Variants in MIER2 observed in about 807,000 individuals in gnomAD.
MIER2 encodes the protein mesoderm induction early response protein 2.
Under a neutral mutation model 67.6 loss-of-function variants are expected in MIER2, and 30 were observed. That is an observed-to-expected ratio of 0.44 (90% CI 0.33 to 0.60). The LOEUF is 0.60. Among genes scored for constraint, MIER2 ranks in the 20% least tolerant of loss-of-function variants. The pLI, the probability that MIER2 is intolerant of heterozygous loss-of-function variation, is 0.02. For missense variants in MIER2, 702 were observed against 745.1 expected (o/e 0.94, Z 0.67); for synonymous variants, 372 against 312.6 (o/e 1.19, Z -2.00).
rs928255186 is a variant in MIER2 at position 334,308 on chromosome 19, T to C, written c.243+92A>G. On this transcript the variant is annotated intron_variant, in intron 3 of 13. Coordinates refer to ENST00000264819, the MANE Select transcript of MIER2 (RefSeq NM_017550.3). ...GCAAAAAGATGTACAATTTAGCACT[T>C]ACCAATGTGGAATCTGAGCTGCACA... 6 of 1,552,616 alleles carry C rather than the reference T, an allele frequency of 3.9e-6. No homozygotes were observed. The African/African-American group carries it at 6.8e-5, about 18-fold the overall frequency.
chr19:312,050 G>A (rs941030394), intron 9 of MIER2, 111 bp from the exon 10 acceptor site: 42 of 1,236,354 alleles, frequency 3.4e-5, no homozygotes, highest in East Asian at 2.8e-4. Context: ...GGGCCGCAGC[G>A]GAAGGAAGGC....
At position 311,932 on chromosome 19, in the gene MIER2, G is replaced by C; in HGVS notation, c.897C>G (p.Leu299=). Residue 299 remains leucine, a synonymous_variant, in exon 10 of 14, where the codon CTC becomes CTG. Coordinates refer to ENST00000264819, the MANE Select transcript of MIER2 (RefSeq NM_017550.3). Reference sequence around the variant, plus strand: ...TGCACTCCTCTTCACTCCAAGCACAGAGCCCATCTGCAAACACGGCCGGGG... The same window carrying C: ...TGCACTCCTCTTCACTCCAAGCACACAGCCCATCTGCAAACACGGCCGGGG... The part of the protein sequence containing the change: ...RFNVKVIRDG[L]CAWSEEECRN... The C allele has an allele frequency of 6.2e-7, 1 of 1,613,960 alleles. No individual in the cohort carries two copies. The highest frequency in any genetic ancestry group is 2.2e-5 in the East Asian group (1 of 44,866).
intron 1 of MIER2, among the ~76,000 whole-genome samples, chr19:338,569 A>G (rs1473922158): frequency 6.9e-6 from 1 of 144,064 alleles, no homozygotes; most frequent in Admixed American, 6.8e-5. Context: ...GTAGAAACCC[A>G]CGAGCCGATT....
intron 12 of MIER2, 22 bp from the exon 13 acceptor site, chr19:307,558 AG>A: frequency 1.3e-6 from 2 of 1,490,308 alleles, no homozygotes; most frequent in Non-Finnish European, 8.9e-7. Flanking sequence ...AACGCAACAG[AG>A]GGTGGGGCCT....
rs757476340 is a variant in MIER2, at chr19:312,287, T to C, written c.808-15A>G. Reference sequence around the variant, plus strand: ...TCGTACAGCGCCTGGGGAGAGGACATGTTGGCTCTTCCATGGGCTCAGCGC... The same window carrying C: ...TCGTACAGCGCCTGGGGAGAGGACACGTTGGCTCTTCCATGGGCTCAGCGC... On this transcript the variant is annotated splice_polypyrimidine_tract_variant and intron_variant, in intron 8 of 13. Transcript: ENST00000264819. The C allele has an allele frequency of 1.1e-5, 17 of 1,612,828 alleles. No individual in the cohort carries two copies. Among genetic ancestry groups the C allele is most frequent in the East Asian group, 2.2e-5 (1 of 44,866 alleles).
At chr19:327,058 GGACCCT>G in intron 5 of MIER2, 69 bp downstream of exon 5, 1 of 1,523,436 alleles carries the variant, frequency 6.6e-7, no homozygotes, top group Non-Finnish European at 8.8e-7. Context: ...ATCAGCCCAA[GGACCCT>G]TCATCAAGCA....
At chr19:338,054 C>G (rs1312988475) in intron 1 of MIER2, among the ~76,000 whole-genome samples, 1 of 149,634 alleles carries the variant, frequency 6.7e-6, no homozygotes, top group Non-Finnish European at 1.5e-5. Flanking sequence ...CACCTGTAGT[C>G]CCAGTTACTC....
At position 325,198 on chromosome 19, in the gene MIER2, G is replaced by A. The variant is rs116408294; in HGVS notation, c.655+437C>T. On this transcript the variant is annotated intron_variant, in intron 7 of 13. Transcript: ENST00000264819. ...TTTTGAACTCTAGTGGGAAAGAGAC[G>A]AAGGTCAAGCCCAGGAAAGGGAGCA... Among the ~76,000 whole-genome samples, 367 of 152,384 alleles carry A rather than the reference G, an allele frequency of 2.4e-3. 1 individual carries two copies. Among genetic ancestry groups the A allele is most frequent in the African/African-American group, 8.5e-3 (353 of 41,604 alleles).
chr19:312,144 G>T (rs776659929), intron 9 of MIER2, 47 bp downstream of exon 9: 4 of 1,403,420 alleles, frequency 2.9e-6, no homozygotes, highest in Non-Finnish European at 3.9e-6. Flanking sequence ...GGTCAGCAGT[G>T]CCCAGGGCGG....
chr19:330,575 T>C (rs1429455937), intron 3 of MIER2, among the ~76,000 whole-genome samples: 1 of 149,620 alleles, frequency 6.7e-6, no homozygotes, highest in East Asian at 2.0e-4. Context: ...AAAAAAAAAC[T>C]TATGATAAGG....
rs374626402 is a variant in MIER2, at chr19:311,949, C to T, written c.890-10G>A. On this transcript the variant is annotated splice_polypyrimidine_tract_variant and intron_variant, in intron 9 of 13. Transcript: ENST00000264819. ...CAAGCACAGAGCCCATCTGCAAACA[C>T]GGCCGGGGAGAACGGTCAGTGGTGC... The T allele has an allele frequency of 1.1e-5, 17 of 1,613,334 alleles. No individual in the cohort carries two copies. Among genetic ancestry groups the T allele is most frequent in the African/African-American group, 2.7e-5 (2 of 74,898 alleles).
chr19:344,691 G>A, intron 1 of MIER2, 83 bp downstream of exon 1: 3 of 917,340 alleles, frequency 3.3e-6, no homozygotes, highest in Non-Finnish European at 2.7e-6. Context: ...CGTCCCTGGG[G>A]CCCACGACGA....
At chr19:311,813 C>T (rs770061664) in intron 10 of MIER2, 32 bp downstream of exon 10, 36 of 1,607,170 alleles carry the variant, frequency 2.2e-5, no homozygotes, top group Non-Finnish European at 3.1e-5. Flanking sequence ...GATCGAGAAG[C>T]CCCCGGTGGA....
rs879468378 is a variant in MIER2 at position 306,165 on chromosome 19, GGGTT to G, written c.*521_*524del. ...GAGGTATATGGCTCTGTGCCCCACG[GGGTT>G]GGCACTGAGTAGCAGCTGCCCACGA... On this transcript the variant is annotated 3_prime_UTR_variant, in exon 14 of 14. Coordinates refer to ENST00000264819, the MANE Select transcript of MIER2 (RefSeq NM_017550.3). The G allele has an allele frequency of 9.2e-5, 15 of 162,950 alleles. No homozygotes were observed. The highest frequency in any genetic ancestry group is 2.0e-4 in the Non-Finnish European group (15 of 75,474). The allele number at this position is 162,950 out of a possible 1,614,324, so 10.1% of individuals were successfully genotyped here.
intron 7 of MIER2, among the ~76,000 whole-genome samples, chr19:321,658 A>G (rs1971508782): frequency 6.6e-6 from 1 of 152,116 alleles, no homozygotes; most frequent in Non-Finnish European, 1.5e-5. Context: ...AAAAAAGATT[A>G]AAACTTGTCA....
intron 7 of MIER2, among the ~76,000 whole-genome samples, chr19:315,821 G>A (rs1052980912): frequency 6.6e-6 from 1 of 152,218 alleles, no homozygotes; most frequent in African/African-American, 2.4e-5. Flanking sequence ...ACTGACGACT[G>A]ATACCAACCC....
intron 12 of MIER2, among the ~76,000 whole-genome samples, chr19:307,917 T>C (rs1265098595): frequency 9.1e-6 from 1 of 109,812 alleles, no homozygotes; most frequent in African/African-American, 5.5e-5. Context: ...TTTGGAAGTT[T>C]TGTTCCCACA....
intron 7 of MIER2, among the ~76,000 whole-genome samples, chr19:320,181 C>G (rs950057728): frequency 6.6e-6 from 1 of 151,828 alleles, no homozygotes; most frequent in Non-Finnish European, 1.5e-5. Context: ...TTGAGACCAG[C>G]CTGGGCAACA....
rs757217236 is a variant in MIER2 at position 307,220 on chromosome 19, C to T, written c.1515G>A (p.Ser505=). 6 of 1,591,850 alleles carry T rather than the reference C, an allele frequency of 3.8e-6. No homozygotes were observed. The highest frequency in any genetic ancestry group is 1.3e-5 in the African/African-American group (1 of 74,692). The change falls in exon 13 of 14, where the codon TCG becomes TCA. Residue 505 remains serine (S), a synonymous_variant. Transcript: ENST00000264819. Reference sequence around the variant, plus strand: ...TGCCGATGAGTCCAAACTCGGTGACCGACAAAGCCACCTGTGCTGGGGCCA... The same window carrying T: ...TGCCGATGAGTCCAAACTCGGTGACTGACAAAGCCACCTGTGCTGGGGCCA... ...ETVAPAQVAL[S]VTEFGLIGIG... is the part of the protein sequence containing the mutation.
Sources: allele counts gnomAD v4.1 joint callset (sites outside exome capture counted in the v4.1 genomes callset), GRCh38; gene constraint gnomAD v4.1.1; transcripts MANE v1.5; gene names NCBI Gene and HGNC (gene_info 2026-07-23, HGNC 2026-07-21).